Variants in FRS3 observed in about 807,000 individuals in gnomAD.
The protein encoded by FRS3 is fibroblast growth factor receptor substrate 3.
In FRS3, 17 loss-of-function variants were observed where a neutral mutation model predicts 41.9. The observed-to-expected ratio is 0.41, with a 90% CI of 0.28 to 0.61. FRS3 has a LOEUF of 0.61. Ranked by LOEUF, FRS3 falls within the 20% of genes least tolerant of loss-of-function variation. The pLI, the probability that FRS3 is intolerant of heterozygous loss-of-function variation, is 0.36. For missense variants in FRS3, 619 were observed against 672.1 expected (o/e 0.92, Z 0.87); for synonymous variants, 287 against 274.5 (o/e 1.05, Z -0.45).
intron 6 of FRS3, 59 bp from the exon 7 acceptor site, chr6:41,771,592 AAGGGAC>A (rs1462093155): frequency 8.0e-6 from 11 of 1,367,566 alleles, no homozygotes; most frequent in Non-Finnish European, 9.9e-6. Context: ...AAGAGAACAG[AAGGGAC>A]AGGATGAGAG....
At chr6:41,774,644 C>T (rs1484554986) in intron 4 of FRS3, among the ~76,000 whole-genome samples, 3 of 152,070 alleles carry the variant, frequency 2.0e-5, no homozygotes, top group African/African-American at 4.8e-5. Flanking sequence ...TCAAAGATGC[C>T]CTTGGGGTAC....
Position 41,771,845 on chromosome 6 carries a change from T to G in FRS3, c.535A>C (p.Thr179Pro). The change falls in exon 6 of 7, where the codon ACC (threonine) becomes CCC (proline). Residue 179 changes from threonine (T) to proline (P), a missense_variant. Physicochemically the swap from Thr to Pro is conservative, Grantham distance 38 (BLOSUM62 -1). Coordinates refer to ENST00000373018, the MANE Select transcript of FRS3 (RefSeq NM_006653.5). ...LRHPSLGEES[T>P]HALIAPDEQS... is the part of the protein sequence containing the mutation. The stretch of plus-strand genomic sequence containing the variant: ...TCATCAGGAGCAATGAGGGCATGGG[T>G]GGACTCTTCCCCAAGCGAGGGGTGC... 6.4e-7 allele frequency: 1 copy of G among 1,552,240 alleles called. No homozygotes were observed. The highest frequency in any genetic ancestry group is 8.7e-7 in the Non-Finnish European group (1 of 1,147,660).
chr6:41,774,658 G>A (rs780077912), intron 4 of FRS3, among the ~76,000 whole-genome samples: 3 of 152,164 alleles, frequency 2.0e-5, no homozygotes, highest in Non-Finnish European at 4.4e-5. Flanking sequence ...GGGGTACTGG[G>A]CCAGCATGGA....
chr6:41,771,055 T>C lies in FRS3; in HGVS notation c.1043A>G (p.Asp348Gly), dbSNP rs1311763883. ...AGAGGGTGTGAGCCCATCCCTCGAG[T>C]CCCCATCATCCCCAGCCTCCCCTCC... is the stretch of plus-strand genomic sequence containing the variant. Reference protein sequence around the residue: ...QLGGEAGDDGDSRDGLTPSSN... With the variant: ...QLGGEAGDDGGSRDGLTPSSN... The change falls in exon 7 of 7, where the codon GAC becomes GGC. Residue 348 changes from aspartate (D) to glycine (G), a missense_variant. This residue lies in a region of FRS3 where 487 missense variants were observed against 478.3 expected (regional missense o/e 1.02). Coordinates refer to ENST00000373018, the MANE Select transcript of FRS3 (RefSeq NM_006653.5). 6.2e-7 allele frequency: 1 copy of C among 1,606,064 alleles called. No homozygotes were observed. The highest frequency in any genetic ancestry group is 8.5e-7 in the Non-Finnish European group (1 of 1,174,592).
intron 6 of FRS3, 61 bp from the exon 7 acceptor site, chr6:41,771,594 G>A (rs1772296263): frequency 7.3e-7 from 1 of 1,360,770 alleles, no homozygotes; most frequent in South Asian, 1.4e-5. Context: ...GAGAACAGAA[G>A]GGACAGGATG....
In FRS3 at chr6:41,778,091, T is replaced by G. The variant is rs1193089978; in HGVS notation, c.-82A>C. ...GGGGCATGGGGAAGGGTTCCCACTTTATTCCCCCCGTCCTTGGTGGGCTGT... is the reference window on the plus strand; with the variant it reads ...GGGGCATGGGGAAGGGTTCCCACTTGATTCCCCCCGTCCTTGGTGGGCTGT... On this transcript the variant is annotated 5_prime_UTR_variant, in exon 2 of 7. It removes the in-frame stop codon of an upstream open reading frame in the 5' UTR. Transcript: ENST00000373018. 3 of 152,744 alleles carry G rather than the reference T, an allele frequency of 2.0e-5. No homozygotes were observed. The highest frequency in any genetic ancestry group is 2.9e-5 in the Non-Finnish European group (2 of 68,154). 9.5% of individuals were successfully genotyped at this position (152,744 alleles called of 1,614,324 possible).
At chr6:41,778,793 G>A (rs1431477224) in intron 1 of FRS3, among the ~76,000 whole-genome samples, 1 of 152,162 alleles carries the variant, frequency 6.6e-6, no homozygotes, top group Non-Finnish European at 1.5e-5. Context: ...TTGGAAGCTT[G>A]ATAGATTTTC....
rs768011239 is a variant in FRS3 at position 41,770,593 on chromosome 6, A to T, written c.*26T>A. Reference sequence around the variant, plus strand: ...GGCAGAGGCTGGATCATGGTGGGGCAGAGGGTGGTGAGGACCGGGAAGTCC... The same window carrying T: ...GGCAGAGGCTGGATCATGGTGGGGCTGAGGGTGGTGAGGACCGGGAAGTCC... On this transcript the variant is annotated 3_prime_UTR_variant, in exon 7 of 7. Coordinates refer to ENST00000373018, the MANE Select transcript of FRS3 (RefSeq NM_006653.5). 6.2e-7 allele frequency: 1 copy of T among 1,609,634 alleles called. No homozygotes were observed. The highest frequency in any genetic ancestry group is 8.5e-7 in the Non-Finnish European group (1 of 1,175,950).
chr6:41,776,714 T>C lies in FRS3; in HGVS notation c.66+208A>G, dbSNP rs544482248. The C allele has an allele frequency of 1.3e-5, 7 of 528,720 alleles. No homozygotes were observed. The South Asian group carries it at 1.5e-4, about 11-fold the overall frequency. 32.8% of individuals were successfully genotyped at this position (528,720 alleles called of 1,614,324 possible). On this transcript the variant is annotated intron_variant, in intron 3 of 6. Coordinates refer to ENST00000373018, the MANE Select transcript of FRS3 (RefSeq NM_006653.5). ...CATTATGGCATTTCTTCATTCTTGG[T>C]AGTATCAAGAGCCATGAAAACAGCA...
chr6:41,772,989 G>T lies in FRS3; in HGVS notation c.254-30C>A, dbSNP rs746765844. On this transcript the variant is annotated intron_variant, in intron 4 of 6. Transcript: ENST00000373018. ...AGAAGGAGAGGAAGAAATGACCCTA[G>T]GCAATAGGGAAGGACCAGAGGAGCT... 8 of 1,603,232 alleles carry T rather than the reference G, an allele frequency of 5.0e-6. No homozygotes were observed. The Admixed American group carries it at 6.7e-5, about 13-fold the overall frequency.
chr6:41,772,889 G>A lies in FRS3; in HGVS notation c.324C>T (p.Asn108=). The part of the protein sequence containing the change: ...FNLLQDLMQC[N]SINVMEEPVI... ...CAGGCTCTTCCATCACATTGATGCT[G>A]TTGCACTGCATCAGATCCTGAAGGA... The change falls in exon 5 of 7, where the codon AAC becomes AAT. Residue 108 remains asparagine (N), a synonymous_variant. Transcript: ENST00000373018. 2 of 1,613,862 alleles carry A rather than the reference G, an allele frequency of 1.2e-6. No homozygotes were observed. Among genetic ancestry groups the A allele is most frequent in the Non-Finnish European group, 1.7e-6 (2 of 1,179,874 alleles).
At chr6:41,777,173 A>G (rs545870608) in intron 2 of FRS3, among the ~76,000 whole-genome samples, 163 bp from the exon 3 acceptor site, 2 of 152,360 alleles carry the variant, frequency 1.3e-5, no homozygotes, top group East Asian at 1.9e-4. Flanking sequence ...ATCCAGGGCC[A>G]GACACACATT....
intron 5 of FRS3, 100 bp from the exon 6 acceptor site, chr6:41,772,064 A>AGT: frequency 2.0e-6 from 2 of 978,736 alleles, no homozygotes; most frequent in Non-Finnish European, 3.0e-6. Context: ...CTAATGGAGG[A>AGT]CAGATGTTCT....
intron 4 of FRS3, among the ~76,000 whole-genome samples, chr6:41,773,688 T>C (rs112200911): frequency 0.024 from 3,689 of 150,892 alleles, 152 homozygotes; most frequent in African/African-American, 0.085. Context: ...CTGGCCAACA[T>C]GGTGAAACCC....
Position 41,776,203 on chromosome 6 carries a change from C to CACAGCAA in FRS3, c.67-605_67-599dup, listed in dbSNP as rs371931198. On this transcript the variant is annotated intron_variant, in intron 3 of 6. Coordinates refer to ENST00000373018, the MANE Select transcript of FRS3 (RefSeq NM_006653.5). ...CGACTTGGGTCTGCCCTCAGCTTCC[C>CACAGCAA]ACAGCAAACAGCAAACACTGATGTT... is the stretch of plus-strand genomic sequence containing the variant. 8.7e-3 allele frequency among the ~76,000 whole-genome samples: 1,325 copies of CACAGCAA among 152,318 alleles called. 12 individuals are homozygous for CACAGCAA. Among genetic ancestry groups the CACAGCAA allele is most frequent in the African/African-American group, 0.028 (1,162 of 41,566 alleles).
intron 1 of FRS3, among the ~76,000 whole-genome samples, chr6:41,778,693 C>A (rs1772460778): frequency 6.6e-6 from 1 of 152,146 alleles, no homozygotes; most frequent in African/African-American, 2.4e-5. Context: ...GAGCTTCTAG[C>A]TTAAATAACT....
Position 41,771,078 on chromosome 6 carries a change from T to G in FRS3, c.1020A>C (p.Gly340=), listed in dbSNP as rs768667866. The G allele has an allele frequency of 1.2e-6, 2 of 1,600,118 alleles. No individual in the cohort carries two copies. The change falls in exon 7 of 7, where the codon GGA becomes GGC. Residue 340 remains glycine (G), a synonymous_variant. Coordinates refer to ENST00000373018, the MANE Select transcript of FRS3 (RefSeq NM_006653.5). ...PVWESQAQQL[G]GEAGDDGDSR... ...AGTCCCCATCATCCCCAGCCTCCCC[T>G]CCCAGCTGCTGGGCTTGGCTTTCCC...
At chr6:41,778,260 T>C (rs1014719948) in intron 1 of FRS3, 84 bp from the exon 2 acceptor site, 2 of 152,158 alleles carry the variant, frequency 1.3e-5, no homozygotes, top group African/African-American at 4.8e-5. Flanking sequence ...TAACAGTCCA[T>C]CCCACCTGGG....
At chr6:41,778,781 A>G (rs991926759) in intron 1 of FRS3, among the ~76,000 whole-genome samples, 1 of 152,222 alleles carries the variant, frequency 6.6e-6, no homozygotes, top group Admixed American at 6.5e-5. Context: ...TCAATTTCGC[A>G]TTTGGAAGCT....
Sources: allele counts gnomAD v4.1 joint callset (sites outside exome capture counted in the v4.1 genomes callset), GRCh38; gene constraint gnomAD v4.1.1; regional missense constraint gnomAD v4.1.1; transcripts MANE v1.5; gene names NCBI Gene and HGNC (gene_info 2026-07-23, HGNC 2026-07-21).